PPARGC1A: variants seen among roughly 807,000 people sequenced by gnomAD.
PPARGC1A encodes PPARG coactivator 1 alpha.
A neutral mutation model predicts 88.7 loss-of-function variants in PPARGC1A; 25 were observed. The observed-to-expected ratio is 0.28, with a 90% CI of 0.21 to 0.39. The LOEUF is 0.39. Among genes scored for constraint, PPARGC1A ranks in the 10% least tolerant of loss-of-function variants. PPARGC1A has a pLI of 1.00. For synonymous variants in PPARGC1A, 363 were observed against 355.6 expected (o/e 1.02, Z -0.24); for missense variants, 880 against 968.7 (o/e 0.91, Z 1.22).
At chr4:24,211,941 C>T in the PPARGC1A span, among the ~76,000 whole-genome samples, 19 of 152,190 alleles carry the variant, frequency 1.2e-4, no homozygotes, top group Admixed American at 5.9e-4. Flanking sequence ...TATCATCACT[C>T]TCTGGGTTAT....
At chr4:24,117,675 T>C in the PPARGC1A span, among the ~76,000 whole-genome samples, 1 of 151,758 alleles carries the variant, frequency 6.6e-6, no homozygotes, top group Non-Finnish European at 1.5e-5. Flanking sequence ...CTTCCATTAA[T>C]ATCTGCCGCT....
the PPARGC1A span, among the ~76,000 whole-genome samples, chr4:24,184,551 G>A: frequency 1.3e-5 from 2 of 152,216 alleles, no homozygotes; most frequent in Non-Finnish European, 2.9e-5. Flanking sequence ...CCTAGTTGAA[G>A]GCTGCACATG....
At chr4:24,326,882 G>A in the PPARGC1A span, among the ~76,000 whole-genome samples, 2 of 152,070 alleles carry the variant, frequency 1.3e-5, no homozygotes, top group Non-Finnish European at 2.9e-5. Flanking sequence ...AATACTTTTA[G>A]AGGCCTTTCC....
chr4:24,433,691 C>T, the PPARGC1A span, among the ~76,000 whole-genome samples: 2 of 152,104 alleles, frequency 1.3e-5, no homozygotes, highest in East Asian at 3.9e-4. Flanking sequence ...CCATAAATTA[C>T]TCCTTTTTCA....
At chr4:23,812,982 G>C in intron 9 of PPARGC1A, 39 bp downstream of exon 9, 1 of 1,611,032 alleles carries the variant, frequency 6.2e-7, no homozygotes, top group Non-Finnish European at 8.5e-7. Flanking sequence ...CTCAAGGAGG[G>C]GATAAAGGGA....
chr4:24,177,157 C>T, the PPARGC1A span, among the ~76,000 whole-genome samples: 2 of 152,176 alleles, frequency 1.3e-5, no homozygotes, highest in South Asian at 4.1e-4. Context: ...GCTATAAAGA[C>T]ACATGCACAC....
chr4:24,123,389 A>G, the PPARGC1A span, among the ~76,000 whole-genome samples: 1 of 152,148 alleles, frequency 6.6e-6, no homozygotes, highest in African/African-American at 2.4e-5. Context: ...CCCTTGTTTT[A>G]CACAGTTGAC....
At chr4:24,191,867 A>G in the PPARGC1A span, among the ~76,000 whole-genome samples, 2 of 152,200 alleles carry the variant, frequency 1.3e-5, no homozygotes, top group African/African-American at 4.8e-5. Context: ...ATTTGAACAT[A>G]GCAAAGCACC....
At chr4:23,958,734 A>T in the PPARGC1A span, among the ~76,000 whole-genome samples, 2 of 152,112 alleles carry the variant, frequency 1.3e-5, no homozygotes, top group Non-Finnish European at 2.9e-5. Flanking sequence ...ATCTCTAGAA[A>T]GTGTTAAGCT....
At chr4:24,006,605 C>CA in the PPARGC1A span, among the ~76,000 whole-genome samples, 1 of 152,142 alleles carries the variant, frequency 6.6e-6, no homozygotes, top group Non-Finnish European at 1.5e-5. Flanking sequence ...TTTTGGAAAA[C>CA]ATTCTATACA....
intron 2 of PPARGC1A, among the ~76,000 whole-genome samples, chr4:23,835,862 G>A (rs1047410003): frequency 6.6e-6 from 1 of 152,008 alleles, no homozygotes; most frequent in African/African-American, 2.4e-5. Context: ...CAAACACCCC[G>A]GAGAAGGCAA....
intron 2 of PPARGC1A, among the ~76,000 whole-genome samples, chr4:23,846,521 C>G (rs1458395195): frequency 1.3e-5 from 2 of 152,126 alleles, no homozygotes; most frequent in Non-Finnish European, 2.9e-5. Context: ...AAATATATTA[C>G]AATTCATTAA....
chr4:24,307,188 C>T, the PPARGC1A span, among the ~76,000 whole-genome samples: 1 of 152,130 alleles, frequency 6.6e-6, no homozygotes, highest in African/African-American at 2.4e-5. Context: ...AATACATACC[C>T]AAGTCTCTAC....
At chr4:24,304,720 A>G in the PPARGC1A span, among the ~76,000 whole-genome samples, 1 of 152,170 alleles carries the variant, frequency 6.6e-6, no homozygotes, top group East Asian at 1.9e-4. Context: ...GGGGGATGTT[A>G]TTAAAAAGTA....
At chr4:23,810,914 A>C (rs539343536) in intron 10 of PPARGC1A, among the ~76,000 whole-genome samples, 8 of 152,228 alleles carry the variant, frequency 5.3e-5, no homozygotes, top group Admixed American at 3.9e-4. Flanking sequence ...ATAGGCCATT[A>C]ATTAAATACA....
the PPARGC1A span, among the ~76,000 whole-genome samples, chr4:24,006,627 G>A: frequency 6.6e-6 from 1 of 152,174 alleles, no homozygotes; most frequent in Non-Finnish European, 1.5e-5. Context: ...TTTGTAACTT[G>A]CTGGTCCTCT....
At chr4:24,031,206 C>A in the PPARGC1A span, among the ~76,000 whole-genome samples, 22 of 152,158 alleles carry the variant, frequency 1.4e-4, no homozygotes, top group Non-Finnish European at 2.2e-4. Context: ...ATTAATGATA[C>A]AAAAGGATTC....
At chr4:24,187,912 T>C in the PPARGC1A span, among the ~76,000 whole-genome samples, 45 of 152,196 alleles carry the variant, frequency 3.0e-4, no homozygotes, top group African/African-American at 9.2e-4. Flanking sequence ...GATTTAGATA[T>C]AGGAATCTTT....
chr4:23,796,716 C>T (rs898996555), intron 12 of PPARGC1A, among the ~76,000 whole-genome samples: 3 of 151,958 alleles, frequency 2.0e-5, no homozygotes, highest in African/African-American at 7.3e-5. Context: ...TATGAAAAAG[C>T]TAGATATTTC....
Sources: gnomAD v4.1 joint callset for allele counts (sites outside exome capture counted in the v4.1 genomes callset) on GRCh38, gnomAD v4.1.1 for gene constraint, MANE v1.5 for transcripts, NCBI Gene and HGNC (gene_info 2026-07-23, HGNC 2026-07-21) for gene names.